LTN1: variants seen among roughly 807,000 people sequenced by gnomAD.
LTN1 encodes E3 ubiquitin-protein ligase listerin.
In LTN1, 88 loss-of-function variants were observed where a neutral mutation model predicts 201.2. The ratio of observed to expected loss-of-function variants is 0.44; its 90% CI spans 0.37 to 0.52. The LOEUF is 0.52. Among genes scored for constraint, LTN1 ranks in the 20% least tolerant of loss-of-function variants. The pLI is 0.00. For synonymous variants in LTN1, 645 were observed against 713.5 expected, an observed-to-expected ratio of 0.90 and a Z score of 1.53; for missense variants, 1,752 against 2,038.7, an observed-to-expected ratio of 0.86 and a Z score of 2.71.
In LTN1 at chr21:28,986,412, C is replaced by T. The variant is rs1483402018; in HGVS notation, c.247-175G>A. 4.4e-6 allele frequency: 3 copies of T among 684,160 alleles called. No individual in the cohort carries two copies. The highest frequency in any genetic ancestry group is 7.9e-6 in the Non-Finnish European group (3 of 381,160). The allele number at this position is 684,160 out of a possible 1,614,324, so 42.4% of individuals were successfully genotyped here. On this transcript the variant is annotated intron_variant, in intron 2 of 29. Coordinates refer to ENST00000361371, the MANE Select transcript of LTN1 (RefSeq NM_015565.3). The surrounding 1 kb of genome is among the most constrained non-coding windows in gnomAD (Gnocchi z 4.1). ...ACAGGCTACTACGGTAGAAACTCTT[C>T]AGTTGTTTTTTTAAAAATAAAACAT... is the stretch of plus-strand genomic sequence containing the variant.
rs1049453719 is a variant in LTN1, at chr21:28,985,717, T to C, written c.345+422A>G. ...TTCTATTGTCCAGGCTGGAGTGCAGTGGTGCAATCTTGGCTCACTGCAACC... is the reference window on the plus strand; with the variant it reads ...TTCTATTGTCCAGGCTGGAGTGCAGCGGTGCAATCTTGGCTCACTGCAACC... On this transcript the variant is annotated intron_variant, in intron 3 of 29. Coordinates refer to ENST00000361371, the MANE Select transcript of LTN1 (RefSeq NM_015565.3). Among the ~76,000 whole-genome samples, 6 of 151,404 alleles carry C rather than the reference T, an allele frequency of 4.0e-5. No homozygotes were observed. In the East Asian group the frequency reaches 1.2e-3, roughly 29 times the overall value.
chr21:28,947,336 A>C lies in LTN1; in HGVS notation c.3487+128T>G, dbSNP rs2084345832. On this transcript the variant is annotated intron_variant, in intron 19 of 29. Coordinates refer to ENST00000361371, the MANE Select transcript of LTN1 (RefSeq NM_015565.3). ...AGCCACTGTCTAACAACACTCATCC[A>C]TATAATCTCAGAACAAATCAGCTGT... 3 of 739,864 alleles carry C rather than the reference A, an allele frequency of 4.1e-6. No individual in the cohort carries two copies. In the South Asian group the frequency reaches 8.3e-5, roughly 20 times the overall value. 45.8% of individuals were successfully genotyped at this position (739,864 alleles called of 1,614,324 possible). A position where few individuals can be genotyped will look rare whatever the true frequency, so the allele number is the denominator to read the frequency against.
At chr21:28,946,054 A>G in intron 20 of LTN1, 98 bp downstream of exon 20, 1 of 1,429,108 alleles carries the variant, frequency 7.0e-7, no homozygotes, top group Non-Finnish European at 9.6e-7. Context: ...ACTGACTTAA[A>G]TGTCTACCAT....
intron 6 of LTN1, 121 bp downstream of exon 6, chr21:28,980,998 T>C (rs1435687115): frequency 1.3e-5 from 7 of 522,662 alleles, no homozygotes; most frequent in South Asian, 5.1e-5. Flanking sequence ...AGTAAATGAA[T>C]AGCCTACCAC....
chr21:28,978,390 TA>T (rs1352553681), intron 6 of LTN1, among the ~76,000 whole-genome samples: 6 of 151,956 alleles, frequency 3.9e-5, no homozygotes, highest in Non-Finnish European at 1.5e-5. Flanking sequence ...GGAAAAAAAA[TA>T]AACAGTTTAC....
intron 6 of LTN1, among the ~76,000 whole-genome samples, chr21:28,979,247 C>G (rs554638920): frequency 6.3e-4 from 96 of 152,294 alleles, no homozygotes; most frequent in African/African-American, 2.2e-3. Flanking sequence ...TTCAGGAGAG[C>G]AATCTGGCAC....
chr21:28,959,782 T>C, intron 12 of LTN1, 85 bp from the exon 13 acceptor site: 3 of 1,177,432 alleles, frequency 2.5e-6, no homozygotes, highest in Non-Finnish European at 2.3e-6. Context: ...AATAATTCTA[T>C]GGGTCTTTCC....
intron 11 of LTN1, chr21:28,964,680 A>G (rs1473818389): frequency 1.3e-6 from 2 of 1,550,458 alleles, no homozygotes; most frequent in East Asian, 2.4e-5. Flanking sequence ...GGCAGCAAAC[A>G]CTGGCTAGGA....
At chr21:28,967,909 C>G (rs1366693224) in intron 9 of LTN1, 3 of 152,152 alleles carry the variant, frequency 2.0e-5, no homozygotes, top group African/African-American at 7.2e-5. Flanking sequence ...TGCTGCAGAA[C>G]TGACTGCTTG....
At chr21:28,950,683 T>A (rs1053466338) in intron 18 of LTN1, among the ~76,000 whole-genome samples, 3 of 152,076 alleles carry the variant, frequency 2.0e-5, no homozygotes, top group Non-Finnish European at 2.9e-5. Flanking sequence ...ACCTAGCTAA[T>A]TTTTGTATTT....
chr21:28,934,086 A>G (rs1238359723), intron 27 of LTN1, among the ~76,000 whole-genome samples: 4 of 152,154 alleles, frequency 2.6e-5, no homozygotes, highest in East Asian at 3.9e-4. Context: ...CAGCCAGATG[A>G]ATCTTTCCCA....
At chr21:28,969,839 T>G (rs917021068) in intron 8 of LTN1, among the ~76,000 whole-genome samples, 1 of 152,100 alleles carries the variant, frequency 6.6e-6, no homozygotes, top group Admixed American at 6.6e-5. Flanking sequence ...AAGAGAATAT[T>G]TCCTTTTTCT....
In LTN1 at chr21:28,958,463, A is replaced by G. The variant is rs1002373240; in HGVS notation, c.2670T>C (p.Tyr890=). The part of the protein sequence containing the change: ...NLLVHQTDSS[Y]KESTFLHLSA... ...ACAAATGTAGGAAGGTACTCTCTTT[A>G]TATGAACTGTCAGTTTGATGAACCA... The change falls in exon 14 of 30, where the codon TAT becomes TAC. Residue 890 remains tyrosine, a synonymous_variant. Coordinates refer to ENST00000361371, the MANE Select transcript of LTN1 (RefSeq NM_015565.3). The G allele has an allele frequency of 6.2e-7, 1 of 1,612,334 alleles. No individual in the cohort carries two copies. Among genetic ancestry groups the G allele is most frequent in the East Asian group, 2.2e-5 (1 of 44,706 alleles).
In LTN1 at chr21:28,944,523, G is replaced by T; in HGVS notation, c.3842C>A (p.Ala1281Asp). The T allele has an allele frequency of 1.2e-6, 2 of 1,613,950 alleles. No individual in the cohort carries two copies. Among genetic ancestry groups the T allele is most frequent in the Non-Finnish European group, 1.7e-6 (2 of 1,179,910 alleles). The change falls in exon 22 of 30, where the codon GCC becomes GAC. Residue 1281 changes from alanine to aspartate, a missense_variant. Around this residue, in one of 3 missense-constraint regions of LTN1, gnomAD observed 1,211 missense variants for 1,312.8 expected, o/e 0.92. Transcript: ENST00000361371. ...QLFACVSCDL[A>D]CDLSAFFDST... ...ATCAAAGAAAGCACTGAGGTCACAG[G>T]CCAAATCACAGCTGACACAGGCAAA...
intron 11 of LTN1, among the ~76,000 whole-genome samples, chr21:28,963,055 T>G (rs1309965826): frequency 6.6e-6 from 1 of 152,134 alleles, no homozygotes; most frequent in Non-Finnish European, 1.5e-5. Flanking sequence ...TTCATGAGGT[T>G]TAAAAGAAGA....
At chr21:28,970,229 TA>T (rs1197789536) in intron 8 of LTN1, among the ~76,000 whole-genome samples, 1 of 152,110 alleles carries the variant, frequency 6.6e-6, no homozygotes, top group Non-Finnish European at 1.5e-5. Context: ...TTTATCAACA[TA>T]AAAAATAAAA....
Position 28,936,516 on chromosome 21 carries a change from T to C in LTN1, c.4654+10A>G. On this transcript the variant is annotated intron_variant, in intron 26 of 29. Transcript: ENST00000361371. The stretch of plus-strand genomic sequence containing the variant: ...GTCCAAGAAAGAACATAAACACATA[T>C]CTTACTGACCTCTAATACTCAGCTG... The C allele has an allele frequency of 6.3e-7, 1 of 1,599,022 alleles. No individual in the cohort carries two copies. The highest frequency in any genetic ancestry group is 8.5e-7 in the Non-Finnish European group (1 of 1,171,196).
In LTN1 at chr21:28,966,883, A is replaced by ATT; in HGVS notation, c.1606_1607dup (p.Asn536LysfsTer34). 7.8e-7 allele frequency: 1 copy of ATT among 1,281,886 alleles called. No individual in the cohort carries two copies. The highest frequency in any genetic ancestry group is 2.1e-5 in the Admixed American group (1 of 48,186). The allele number at this position is 1,281,886 out of a possible 1,614,324, so 79.4% of individuals were successfully genotyped here. A position where few individuals can be genotyped will look rare whatever the true frequency, so the allele number is the denominator to read the frequency against. ...TCTCATCAGCAAATCTAACCTTACC[A>ATT]TTTTTTTTTTTACTTGACTTCAATG... On this transcript the variant is annotated frameshift_variant, in exon 10 of 30. Coordinates refer to ENST00000361371, the MANE Select transcript of LTN1 (RefSeq NM_015565.3). LOFTEE classifies it high-confidence loss of function.
chr21:28,971,495 G>A, intron 6 of LTN1, 51 bp from the exon 7 acceptor site: 2 of 1,538,828 alleles, frequency 1.3e-6, no homozygotes, highest in East Asian at 2.3e-5. Context: ...AACTTGATAA[G>A]ATTTTTAATT....
Sources: allele counts gnomAD v4.1 joint callset (sites outside exome capture counted in the v4.1 genomes callset), GRCh38; gene constraint gnomAD v4.1.1; regional missense constraint gnomAD v4.1.1; non-coding constraint Gnocchi (gnomAD v3.1); transcripts MANE v1.5; gene names NCBI Gene and HGNC (gene_info 2026-07-23, HGNC 2026-07-21).